The following SYNE2 variants were observed in gnomAD, a reference collection of about 807,000 sequenced individuals.
SYNE2 encodes spectrin repeat containing nuclear envelope protein 2.
In SYNE2, 431 loss-of-function variants were observed where a neutral mutation model predicts 856.3. The ratio of observed to expected loss-of-function variants is 0.50; its 90% confidence interval spans 0.47 to 0.55. The LOEUF (loss-of-function observed/expected upper bound fraction) is 0.55, where lower values mean the gene tolerates loss of function less well. SYNE2 is among the 20% of genes least tolerant of loss of function. SYNE2 has a pLI of 0.00. For synonymous variants in SYNE2, 2,923 were observed against 2,872.3 expected (o/e 1.02, Z -0.56); for missense variants, 8,129 against 8,023.2 (o/e 1.01, Z -0.50).
chr14:64,162,040 T>C (rs756922177), intron 87 of SYNE2, 32 bp from the exon 88 acceptor site: 60 of 1,613,082 alleles, frequency 3.7e-5, no homozygotes, highest in Non-Finnish European at 4.7e-5. Context: ...AAGGAGAGAA[T>C]GAGGGTTATG....
chr14:64,060,098 A>G (rs1419522744), intron 49 of SYNE2, among the ~76,000 whole-genome samples: 2 of 150,576 alleles, frequency 1.3e-5, no homozygotes, highest in Admixed American at 6.6e-5. Context: ...ATACTGTACA[A>G]GAGCTAATAC....
At chr14:64,013,493 T>C (rs2153521343) in intron 32 of SYNE2, among the ~76,000 whole-genome samples, 1 of 152,306 alleles carries the variant, frequency 6.6e-6, no homozygotes, top group East Asian at 1.9e-4. Flanking sequence ...TGTCTCACCT[T>C]TTATAGTCCC....
intron 31 of SYNE2, 78 bp downstream of exon 31, chr14:64,007,300 A>G: frequency 7.4e-7 from 1 of 1,354,906 alleles, no homozygotes; most frequent in Non-Finnish European, 1.1e-6. Context: ...TTCTGGGTTG[A>G]AAACACATCT....
At chr14:63,866,519 A>T (rs2140282816) in intron 1 of SYNE2, among the ~76,000 whole-genome samples, 2 of 152,172 alleles carry the variant, frequency 1.3e-5, no homozygotes, top group Middle Eastern at 6.8e-3. Context: ...TAAAAAGCTT[A>T]TCTCAGTATT....
intron 11 of SYNE2, among the ~76,000 whole-genome samples, chr14:63,972,167 T>C (rs2096484442): frequency 6.6e-6 from 1 of 152,188 alleles, no homozygotes; most frequent in Non-Finnish European, 1.5e-5. Context: ...TCAGTTTCTA[T>C]TCTGATCACC....
chr14:64,074,494 C>T (rs1024120692), intron 53 of SYNE2, among the ~76,000 whole-genome samples: 3 of 152,176 alleles, frequency 2.0e-5, no homozygotes, highest in Non-Finnish European at 4.4e-5. Flanking sequence ...CTGACAGGGT[C>T]TATGTACACC....
intron 33 of SYNE2, among the ~76,000 whole-genome samples, chr14:64,017,276 C>CTT (rs2096899530): frequency 3.6e-5 from 5 of 139,228 alleles, no homozygotes; most frequent in Non-Finnish European, 7.5e-5. Context: ...TTGCAGTGAG[C>CTT]CGAGTTCGCA....
chr14:64,020,620 C>G (rs2096929234), intron 35 of SYNE2, among the ~76,000 whole-genome samples: 1 of 152,162 alleles, frequency 6.6e-6, no homozygotes, highest in Non-Finnish European at 1.5e-5. Flanking sequence ...CAAATGTTGC[C>G]TGTGCATCTG....
intron 1 of SYNE2, among the ~76,000 whole-genome samples, chr14:63,856,478 G>T (rs544146189): frequency 6.6e-6 from 1 of 152,218 alleles, no homozygotes; most frequent in African/African-American, 2.4e-5. Context: ...GCTCCTGGGG[G>T]CTGTGGGAGG....
At chr14:63,991,456 T>C in intron 21 of SYNE2, among the ~76,000 whole-genome samples, 1 of 152,238 alleles carries the variant, frequency 6.6e-6, no homozygotes, top group Non-Finnish European at 1.5e-5. Context: ...TCGGATTTGT[T>C]GTGAGGCTTT....
intron 39 of SYNE2, 111 bp downstream of exon 39, chr14:64,024,570 A>G (rs2096962949): frequency 6.7e-6 from 7 of 1,044,956 alleles, no homozygotes; most frequent in Non-Finnish European, 8.5e-6. Flanking sequence ...AATTTCACAC[A>G]CAAAAGGCGT....
intron 85 of SYNE2, among the ~76,000 whole-genome samples, chr14:64,158,160 A>C (rs2153710929): frequency 6.6e-6 from 1 of 152,372 alleles, no homozygotes; most frequent in African/African-American, 2.4e-5. Context: ...CTTAAGTGCC[A>C]GGTAACATCT....
At chr14:63,938,647 G>GGC (rs2095861533) in intron 2 of SYNE2, among the ~76,000 whole-genome samples, 1 of 152,094 alleles carries the variant, frequency 6.6e-6, no homozygotes, top group African/African-American at 2.4e-5. Flanking sequence ...AGTGGTACGA[G>GGC]GGCTGCAAGA....
intron 6 of SYNE2, among the ~76,000 whole-genome samples, chr14:63,946,515 A>G (rs530785707): frequency 2.3e-4 from 4 of 17,704 alleles, no homozygotes; most frequent in Non-Finnish European, 6.3e-4. Context: ...ATATATATGT[A>G]TATATATGAT....
chr14:64,111,548 C>T (rs905966755), intron 65 of SYNE2, among the ~76,000 whole-genome samples: 1 of 152,184 alleles, frequency 6.6e-6, no homozygotes, highest in African/African-American at 2.4e-5. Flanking sequence ...CCTGTAATCC[C>T]AGCACTTTGG....
intron 30 of SYNE2, among the ~76,000 whole-genome samples, chr14:64,004,874 C>G (rs1304004505): frequency 6.6e-6 from 1 of 152,134 alleles, no homozygotes; most frequent in Non-Finnish European, 1.5e-5. Flanking sequence ...GACCCTCTCT[C>G]AAAGAAGAGA....
At chr14:63,824,852 A>G (rs1159205309) in intron 1 of SYNE2, among the ~76,000 whole-genome samples, 1 of 152,014 alleles carries the variant, frequency 6.6e-6, no homozygotes. Context: ...TTAGGGACAG[A>G]TGCCTGGGCG....
At chr14:64,166,335 CT>C (rs752933382) in intron 90 of SYNE2, among the ~76,000 whole-genome samples, 12 of 152,156 alleles carry the variant, frequency 7.9e-5, no homozygotes, top group Non-Finnish European at 1.5e-4. Context: ...ATGATCTGCC[CT>C]TTTACAGAAA....
intron 99 of SYNE2, chr14:64,196,699 TTC>T (rs965409079): frequency 6.6e-6 from 1 of 152,228 alleles, no homozygotes; most frequent in Admixed American, 6.5e-5. Context: ...TAAATGTTTC[TTC>T]TCTCTGTTTA....
Sources: gnomAD v4.1 joint callset for allele counts (sites outside exome capture counted in the v4.1 genomes callset) on GRCh38, gnomAD v4.1.1 for gene constraint, MANE v1.5 for transcripts, NCBI Gene and HGNC (gene_info 2026-07-23, HGNC 2026-07-21) for gene names.